Variants in USP9X observed in about 807,000 individuals in gnomAD.
USP9X encodes ubiquitin carboxyl-terminal hydrolase 9X.
USP9X carries 7 observed loss-of-function variants against 190.3 expected under a neutral mutation model. That is an observed-to-expected ratio of 0.04 (90% CI 0.02 to 0.07). The LOEUF is 0.07. Ranked by LOEUF, USP9X falls within the 10% of genes least tolerant of loss-of-function variation. The pLI is 1.00. For missense variants in USP9X, 1,010 were observed against 1,916.9 expected, an observed-to-expected ratio of 0.53 and a Z score of 8.83; for synonymous variants, 645 against 659.5, an observed-to-expected ratio of 0.98 and a Z score of 0.34.
chrX:41,231,216 C>T (rs975865662), intron 44 of USP9X, among the ~76,000 whole-genome samples: 4 of 111,549 alleles, frequency 3.6e-5, no homozygotes, highest in African/African-American at 9.8e-5. Context: ...GTTGCTCCAG[C>T]AGAGAGCTAG....
chrX:41,194,870 A>C lies in USP9X; in HGVS notation c.3978-1381A>C, dbSNP rs758396304. 1.3e-4 allele frequency among the ~76,000 whole-genome samples: 15 copies of C among 111,130 alleles called. No individual in the cohort carries two copies. In the East Asian group the frequency reaches 4.2e-3, roughly 31 times the overall value. ...ATGGCACAGTTTTAATTAAAGGTAG[A>C]TGATGTCTCTGCCCTCTTGGAGCAT... On this transcript the variant is annotated intron_variant, in intron 26 of 44. Coordinates refer to ENST00000378308, the MANE Select transcript of USP9X (RefSeq NM_001039591.3).
intron 26 of USP9X, chrX:41,195,850 C>T (rs775522959): frequency 1.7e-4 from 53 of 317,974 alleles, no homozygotes; most frequent in South Asian, 1.5e-3. Context: ...ATAGCCTTAC[C>T]GTGGTTACTA....
In USP9X at chrX:41,085,885, C is replaced by T; in HGVS notation, c.-383C>T. The stretch of plus-strand genomic sequence containing the variant: ...TCGCCGGCCAAGGAGGAGGAGGAGG[C>T]GGGCGCGGCGAGGAGCGAGTTCCGG... On this transcript the variant is annotated 5_prime_UTR_variant, in exon 1 of 45. Coordinates refer to ENST00000378308, the MANE Select transcript of USP9X (RefSeq NM_001039591.3). 1 of 298,860 alleles carries T rather than the reference C, an allele frequency of 3.3e-6. No homozygotes were observed. The highest frequency in any genetic ancestry group is 6.0e-5 in the Admixed American group (1 of 16,575). 24.6% of individuals were successfully genotyped at this position (298,860 alleles called of 1,213,427 possible). A position where few individuals can be genotyped will look rare whatever the true frequency, so the allele number is the denominator to read the frequency against.
At chrX:41,189,185 C>A in intron 25 of USP9X, 124 bp from the exon 26 acceptor site, 2 of 586,945 alleles carry the variant, frequency 3.4e-6, no homozygotes, top group Non-Finnish European at 5.4e-6. Flanking sequence ...TAACATGCAG[C>A]CATGGAGAGG....
At chrX:41,114,673 G>A (rs1446485697) in intron 1 of USP9X, among the ~76,000 whole-genome samples, 5 of 106,588 alleles carry the variant, frequency 4.7e-5, no homozygotes, top group Non-Finnish European at 9.7e-5. Flanking sequence ...TATTAGAGAC[G>A]GGGTTTTACC....
rs183114227 is a variant in USP9X, at chrX:41,205,464, T to C, written c.4986T>C (p.Tyr1662=). ...GHLAASRLQY[Y]VPRGFWKQFR... is the part of the protein sequence containing the mutation. ...TAGCTGCTTCTCGACTGCAATACTA[T>C]GTGCCCAGAGGATTTTGGAAACAGT... The change falls in exon 32 of 45, where the codon TAT becomes TAC. Residue 1662 remains tyrosine (Y), a synonymous_variant. Transcript: ENST00000378308. 240 of 1,207,734 alleles carry C rather than the reference T, an allele frequency of 2.0e-4. No homozygotes were observed. The East Asian group carries it at 6.1e-3, about 31-fold the overall frequency.
chrX:41,201,877 A>G (rs1357291670), intron 31 of USP9X, among the ~76,000 whole-genome samples: 2 of 111,577 alleles, frequency 1.8e-5, no homozygotes, highest in East Asian at 5.7e-4. Context: ...AGGCTGAGGC[A>G]GGAGAATCAC....
chrX:41,225,205 A>C, intron 41 of USP9X, 68 bp downstream of exon 41: 2 of 1,017,067 alleles, frequency 2.0e-6, no homozygotes, highest in Middle Eastern at 2.6e-4. Flanking sequence ...TGAAATTGAC[A>C]GTCACCACAT....
At chrX:41,161,815 C>T (rs1332397892) in intron 14 of USP9X, among the ~76,000 whole-genome samples, 1 of 105,706 alleles carries the variant, frequency 9.5e-6, no homozygotes, top group Non-Finnish European at 1.9e-5. Context: ...AACTCCTGGC[C>T]TGAAGCAATA....
intron 14 of USP9X, among the ~76,000 whole-genome samples, chrX:41,161,635 C>CTTGTTTTTTTTTT (rs2062632728): frequency 4.2e-5 from 2 of 47,412 alleles, no homozygotes; most frequent in East Asian, 7.2e-4. Context: ...GGCGCCCTGC[C>CTTGTTTTTTTTTT]TTTTTTTTTT....
chrX:41,227,539 A>C (rs772294148), intron 41 of USP9X, among the ~76,000 whole-genome samples: 1 of 112,177 alleles, frequency 8.9e-6, no homozygotes, highest in African/African-American at 3.2e-5. Flanking sequence ...ACTGTTAAGT[A>C]AAATACATAG....
intron 21 of USP9X, among the ~76,000 whole-genome samples, chrX:41,172,522 A>G (rs1227580521): frequency 2.7e-5 from 3 of 111,983 alleles, no homozygotes; most frequent in Non-Finnish European, 5.6e-5. Flanking sequence ...TTTGTTACTT[A>G]CAGATATATA....
At chrX:41,175,445 TGG>T (rs1174911903) in intron 21 of USP9X, among the ~76,000 whole-genome samples, 6 of 109,914 alleles carry the variant, frequency 5.5e-5, no homozygotes, top group Non-Finnish European at 7.6e-5. Context: ...CACTTGAGCC[TGG>T]GAGATGGAGA....
At chrX:41,123,745 G>A in intron 2 of USP9X, 21 bp downstream of exon 2, 1 of 1,190,813 alleles carries the variant, frequency 8.4e-7, no homozygotes, top group Non-Finnish European at 1.1e-6. Context: ...GAAGATACTA[G>A]TTAAAGCTAC....
In USP9X at chrX:41,234,063, A is replaced by C. The variant is rs1006101450; in HGVS notation, c.*1539A>C. Reference sequence around the variant, plus strand: ...TTTTGTCCTTTTTTTTTTTTTTTAAAAGAGGACTGCATATTAAAATTCATT... The same window carrying C: ...TTTTGTCCTTTTTTTTTTTTTTTAACAGAGGACTGCATATTAAAATTCATT... On this transcript the variant is annotated 3_prime_UTR_variant, in exon 45 of 45. Transcript: ENST00000378308. 1 of 102,370 alleles carries C rather than the reference A, an allele frequency of 9.8e-6. No homozygotes were observed. Among genetic ancestry groups the C allele is most frequent in the African/African-American group, 3.7e-5 (1 of 27,011 alleles). 8.4% of individuals were successfully genotyped at this position (102,370 alleles called of 1,213,427 possible).
chrX:41,095,465 GCC>G (rs1201301434), intron 1 of USP9X, among the ~76,000 whole-genome samples: 2 of 112,414 alleles, frequency 1.8e-5, no homozygotes, highest in African/African-American at 6.5e-5. Context: ...CAGTGGTATA[GCC>G]CCTACCCCAC....
chrX:41,160,294 C>T (rs2062618270), intron 14 of USP9X, among the ~76,000 whole-genome samples: 1 of 108,791 alleles, frequency 9.2e-6, no homozygotes, highest in Non-Finnish European at 1.9e-5. Flanking sequence ...TGAATATTTA[C>T]TACTAAACTA....
chrX:41,187,185 C>T (rs1271666090), intron 24 of USP9X, among the ~76,000 whole-genome samples: 1 of 112,308 alleles, frequency 8.9e-6, no homozygotes, highest in African/African-American at 3.2e-5. Context: ...GCGGTCGAAA[C>T]CGAATGTTTT....
At chrX:41,217,853 G>A (rs1293383578) in intron 36 of USP9X, among the ~76,000 whole-genome samples, 4 of 111,916 alleles carry the variant, frequency 3.6e-5, no homozygotes, top group Non-Finnish European at 7.5e-5. Flanking sequence ...CTGTGCCACT[G>A]CACTCCAGCC....
Sources: gnomAD v4.1 joint callset for allele counts (sites outside exome capture counted in the v4.1 genomes callset) on GRCh38, gnomAD v4.1.1 for gene constraint, MANE v1.5 for transcripts, NCBI Gene and HGNC (gene_info 2026-07-23, HGNC 2026-07-21) for gene names.